ZCCHC14: variants seen among roughly 807,000 people sequenced by gnomAD.
ZCCHC14 encodes zinc finger CCHC-type containing 14.
In ZCCHC14, 16 loss-of-function variants were observed where a neutral mutation model predicts 85.0. That is an observed-to-expected ratio of 0.19 (90% CI 0.13 to 0.29). The LOEUF (loss-of-function observed/expected upper bound fraction) is 0.29. ZCCHC14 is among the 10% of genes least tolerant of loss of function. The pLI, the probability that ZCCHC14 is intolerant of heterozygous loss-of-function variation, is 1.00. For synonymous variants in ZCCHC14, 775 were observed against 630.7 expected (o/e 1.23, Z -3.43); for missense variants, 1,303 against 1,443.5 (o/e 0.90, Z 1.58).
At chr16:87,437,835 C>G (rs905189969) in intron 2 of ZCCHC14, among the ~76,000 whole-genome samples, 2 of 152,202 alleles carry the variant, frequency 1.3e-5, no homozygotes, top group African/African-American at 4.8e-5. Flanking sequence ...AACCAGTACT[C>G]TAACGTAGCA....
Position 87,492,169 on chromosome 16 carries a change from G to T in ZCCHC14, c.70C>A (p.Gln24Lys). Residue 24 changes from glutamine (Q) to lysine (K), a missense_variant, in exon 1 of 13, where the codon CAG (glutamine) becomes AAG (lysine). By Grantham distance (53) the Gln-to-Lys change is moderately conservative. Around this residue, in one of 7 missense-constraint regions of ZCCHC14, gnomAD observed 29 missense variants for 76.8 expected, o/e 0.38. Transcript: ENST00000671377. The surrounding 1 kb of genome is among the most constrained non-coding windows in gnomAD (Gnocchi z 6.7). ...YRWFSELPSP[Q>K]RVEFLCGLLD... ...AGGCCGCACAGGAACTCCACGCGCTGCGGCGACGGCAGCTCCGAGAACCAG... is the reference window on the plus strand; with the variant it reads ...AGGCCGCACAGGAACTCCACGCGCTTCGGCGACGGCAGCTCCGAGAACCAG... 1 of 1,203,880 alleles carries T rather than the reference G, an allele frequency of 8.3e-7. No individual in the cohort carries two copies. Among genetic ancestry groups the T allele is most frequent in the Non-Finnish European group, 1.0e-6 (1 of 968,276 alleles). The allele number at this position is 1,203,880 out of a possible 1,614,324, so 74.6% of individuals were successfully genotyped here.
chr16:87,488,305 A>G (rs1912604369), intron 1 of ZCCHC14, among the ~76,000 whole-genome samples: 3 of 152,158 alleles, frequency 2.0e-5, no homozygotes, highest in Admixed American at 2.0e-4. Context: ...ACTATCCCCC[A>G]CAGTTGGCAC....
At chr16:87,440,137 T>A (rs1325332851) in intron 2 of ZCCHC14, among the ~76,000 whole-genome samples, 2 of 152,114 alleles carry the variant, frequency 1.3e-5, no homozygotes, top group Non-Finnish European at 2.9e-5. Context: ...CTGACTGAAA[T>A]GCATGCGACA....
intron 6 of ZCCHC14, among the ~76,000 whole-genome samples, chr16:87,419,564 G>A (rs1908981042): frequency 6.6e-6 from 1 of 152,212 alleles, no homozygotes; most frequent in African/African-American, 2.4e-5. Context: ...GCCTCCCAAA[G>A]TATTGGGATT....
chr16:87,440,362 G>C (rs1056890035), intron 2 of ZCCHC14, among the ~76,000 whole-genome samples: 2 of 151,896 alleles, frequency 1.3e-5, no homozygotes, highest in African/African-American at 2.4e-5. Context: ...ACAGGGTTTC[G>C]ACATATTGGT....
rs1908471975 is a variant in ZCCHC14 at position 87,411,962 on chromosome 16, GGCGGGGGTGGGGCGGGCT to G, written c.2741_2758del (p.Gln914_Pro919del). The G allele has an allele frequency of 1.2e-6, 2 of 1,603,400 alleles. No individual in the cohort carries two copies. The highest frequency in any genetic ancestry group is 2.7e-5 in the African/African-American group (2 of 74,832). On this transcript the variant is annotated inframe_deletion, in exon 12 of 13. Coordinates refer to ENST00000671377, the MANE Select transcript of ZCCHC14 (RefSeq NM_015144.3). ...ACAGGACGTGCACACAATGCAGCCT[GGCGGGGGTGGGGCGGGCT>G]GCGGGGGTGCCGGGGGCTGCTGATG...
chr16:87,466,330 A>C (rs1182414551), intron 1 of ZCCHC14, among the ~76,000 whole-genome samples: 1 of 152,214 alleles, frequency 6.6e-6, no homozygotes, highest in Non-Finnish European at 1.5e-5. Flanking sequence ...GTGCTGACGC[A>C]GTCAGATGGA....
At position 87,419,593 on chromosome 16, in the gene ZCCHC14, G is replaced by A. The variant is rs371235999; in HGVS notation, c.1045+190C>T. ...TGGGATTATAGGCGTGAGCCACTGCGCCCAGCCTAATTTTGTATTTTTAGT... is the reference window on the plus strand; with the variant it reads ...TGGGATTATAGGCGTGAGCCACTGCACCCAGCCTAATTTTGTATTTTTAGT... On this transcript the variant is annotated intron_variant, in intron 6 of 12. Transcript: ENST00000671377. Among the ~76,000 whole-genome samples the A allele has an allele frequency of 2.6e-4, 40 of 152,254 alleles. 3 individuals carry two copies. The South Asian group carries it at 7.3e-3, about 28-fold the overall frequency.
At chr16:87,441,027 A>G (rs1910158364) in intron 2 of ZCCHC14, among the ~76,000 whole-genome samples, 1 of 146,698 alleles carries the variant, frequency 6.8e-6, no homozygotes, top group African/African-American at 2.5e-5. Flanking sequence ...TTTTGGAGAT[A>G]GAGTTTCGCT....
chr16:87,420,765 C>A lies in ZCCHC14; in HGVS notation c.841-49G>T. The A allele has an allele frequency of 6.7e-7, 1 of 1,496,008 alleles. No homozygotes were observed. The highest frequency in any genetic ancestry group is 1.2e-5 in the South Asian group (1 of 80,754). 92.7% of individuals were successfully genotyped at this position (1,496,008 alleles called of 1,614,324 possible). On this transcript the variant is annotated intron_variant, in intron 4 of 12. Transcript: ENST00000671377. The surrounding 1 kb of genome is among the most constrained non-coding windows in gnomAD (Gnocchi z 5.0). The stretch of plus-strand genomic sequence containing the variant: ...GAGGTGTGTCCAGACCCATCCAACA[C>A]CAGCAGAATTCTGCTACTGCAGGAA...
intron 2 of ZCCHC14, among the ~76,000 whole-genome samples, chr16:87,436,172 G>C (rs1019476387): frequency 6.6e-6 from 1 of 152,256 alleles, no homozygotes; most frequent in African/African-American, 2.4e-5. Flanking sequence ...AGTAGGAAGT[G>C]ACTCAGTCAT....
chr16:87,429,511 T>C (rs558641281), intron 3 of ZCCHC14, among the ~76,000 whole-genome samples: 114 of 152,206 alleles, frequency 7.5e-4, no homozygotes, highest in Middle Eastern at 6.8e-3. Flanking sequence ...CAGCAACTTG[T>C]TGGGCATGGC....
intron 1 of ZCCHC14, among the ~76,000 whole-genome samples, chr16:87,483,066 C>G (rs1264196203): frequency 1.3e-5 from 2 of 151,804 alleles, no homozygotes; most frequent in Non-Finnish European, 2.9e-5. Context: ...AAGAAAACAA[C>G]TGCATGGCAA....
In ZCCHC14 at chr16:87,415,391, A is replaced by G. The variant is rs754635253; in HGVS notation, c.1384-24T>C. On this transcript the variant is annotated intron_variant, in intron 8 of 12. Coordinates refer to ENST00000671377, the MANE Select transcript of ZCCHC14 (RefSeq NM_015144.3). ...AACTTTCACAGAAAAAACAAATTAC[A>G]AAGTTACGGAGACATAAGTAGGACT... 12 of 1,600,082 alleles carry G rather than the reference A, an allele frequency of 7.5e-6. No homozygotes were observed. In the African/African-American group the frequency reaches 1.3e-4, roughly 18 times the overall value.
intron 1 of ZCCHC14, among the ~76,000 whole-genome samples, chr16:87,475,533 G>T (rs1463095941): frequency 1.4e-5 from 2 of 146,632 alleles, no homozygotes; most frequent in East Asian, 3.9e-4. Context: ...AGCCTGGGTG[G>T]CAGAGCAAGA....
chr16:87,452,501 A>G (rs1910753365), intron 2 of ZCCHC14, among the ~76,000 whole-genome samples: 1 of 152,144 alleles, frequency 6.6e-6, no homozygotes, highest in African/African-American at 2.4e-5. Flanking sequence ...AGCGTAAAGT[A>G]GGGTACAGAA....
At chr16:87,432,812 G>A (rs907920332) in intron 3 of ZCCHC14, among the ~76,000 whole-genome samples, 4 of 152,254 alleles carry the variant, frequency 2.6e-5, no homozygotes, top group Admixed American at 2.0e-4. Flanking sequence ...CACGGCCCCG[G>A]GTTCTGTGTG....
chr16:87,460,147 C>A lies in ZCCHC14; in HGVS notation c.571-16G>T. ...TTGGAGTGATCTGAGGGAACAGAAA[C>A]AGAATCATCTTATTTTCTCCCACGG... On this transcript the variant is annotated splice_polypyrimidine_tract_variant and intron_variant, in intron 1 of 12. Transcript: ENST00000671377. 6.2e-7 allele frequency: 1 copy of A among 1,612,588 alleles called. No homozygotes were observed. Among genetic ancestry groups the A allele is most frequent in the East Asian group, 2.2e-5 (1 of 44,872 alleles).
intron 1 of ZCCHC14, among the ~76,000 whole-genome samples, chr16:87,488,983 T>C (rs1219301999): frequency 6.6e-6 from 1 of 152,166 alleles, no homozygotes; most frequent in Non-Finnish European, 1.5e-5. Flanking sequence ...CAAAATAAAA[T>C]ACAACAGCTT....
Sources: gnomAD v4.1 joint callset for allele counts (sites outside exome capture counted in the v4.1 genomes callset) on GRCh38, gnomAD v4.1.1 for gene constraint, gnomAD v4.1.1 regional missense constraint, Gnocchi (gnomAD v3.1) non-coding constraint, MANE v1.5 for transcripts, NCBI Gene and HGNC (gene_info 2026-07-23, HGNC 2026-07-21) for gene names.